The following NOTCH2NLB variants were observed in gnomAD, a reference collection of about 807,000 sequenced individuals.
NOTCH2NLB encodes the protein notch 2 N-terminal like B.
A neutral mutation model predicts 14.8 loss-of-function variants in NOTCH2NLB; 1 was observed. The observed-to-expected ratio is 0.07, with a 90% confidence interval of 0.02 to 0.32. The LOEUF (loss-of-function observed/expected upper bound fraction) is 0.32, where lower values mean the gene tolerates loss of function less well. Among genes scored for constraint, NOTCH2NLB ranks in the 10% least tolerant of loss-of-function variants. The pLI is 1.00. For synonymous variants in NOTCH2NLB, 6 were observed against 57.5 expected (o/e 0.10, Z 4.05); for missense variants, 11 against 155.0 (o/e 0.07, Z 4.93).
At chr1:148,670,547 T>TATATATATATAA (rs1664751621) in intron 1 of NOTCH2NLB, among the ~76,000 whole-genome samples, 1 of 111,752 alleles carries the variant, frequency 8.9e-6, no homozygotes, top group Non-Finnish European at 1.9e-5. Flanking sequence ...AAAATATATA[T>TATATATATATAA]ATATACATAT....
chr1:148,712,453 G>A, the NOTCH2NLB span, among the ~76,000 whole-genome samples: 1 of 152,270 alleles, frequency 6.6e-6, no homozygotes, highest in African/African-American at 2.4e-5. Flanking sequence ...GGGCTTTCCT[G>A]GGAATATGTG....
chr1:148,655,913 T>TA (rs1664531030), intron 1 of NOTCH2NLB, among the ~76,000 whole-genome samples: 1 of 142,850 alleles, frequency 7.0e-6, no homozygotes, highest in Non-Finnish European at 1.5e-5. Context: ...ACAAATATCT[T>TA]AGACATTAAA....
Position 148,610,309 on chromosome 1 carries a change from AAGAGAGAAAG to A in NOTCH2NLB, c.338-2574_338-2565del, listed in dbSNP as rs1473522110. The stretch of plus-strand genomic sequence containing the variant: ...AGAAAGAGAGAGGGAAAGAGAGAGA[AAGAGAGAAAG>A]AGAGAGAAAGAAAGAAAGAAAGAAA... On this transcript the variant is annotated intron_variant, in intron 3 of 4. Coordinates refer to ENST00000593495, the Ensembl canonical transcript of NOTCH2NLB. Among the ~76,000 whole-genome samples, 105 of 89,996 alleles carry A rather than the reference AAGAGAGAAAG, an allele frequency of 1.2e-3. 6 individuals carry two copies. Among genetic ancestry groups the A allele is most frequent in the African/African-American group, 5.2e-3 (104 of 19,980 alleles). The allele number at this position is 89,996 out of a possible 152,430, so 59.0% of individuals were successfully genotyped here.
At chr1:148,661,381 T>C (rs2149630525) in intron 1 of NOTCH2NLB, among the ~76,000 whole-genome samples, 1 of 150,324 alleles carries the variant, frequency 6.7e-6, no homozygotes, top group South Asian at 2.1e-4. Context: ...CACACAGAGT[T>C]AAATCAGAGA....
intron 1 of NOTCH2NLB, among the ~76,000 whole-genome samples, chr1:148,670,539 A>AATAT (rs1156575606): frequency 1.4e-4 from 13 of 93,456 alleles, no homozygotes; most frequent in African/African-American, 5.2e-4. Flanking sequence ...TAAAAAAAAA[A>AATAT]ATATATATAT....
At position 148,622,326 on chromosome 1, in the gene NOTCH2NLB, C is replaced by T. The variant is rs1309471108; in HGVS notation, c.78-6376G>A. On this transcript the variant is annotated intron_variant, in intron 2 of 4. Transcript: ENST00000593495. ...TGGAGGTTGCAGTGAGCCAAGATCG[C>T]GTCACTGCACTCCAGCCTGGGCAAC... 1.3e-4 allele frequency among the ~76,000 whole-genome samples: 15 copies of T among 111,768 alleles called. 2 individuals carry two copies. In the South Asian group the frequency reaches 1.3e-3, roughly 10 times the overall value. The allele number at this position is 111,768 out of a possible 152,430, so 73.3% of individuals were successfully genotyped here.
chr1:148,649,318 A>G (rs1205640640), intron 1 of NOTCH2NLB, among the ~76,000 whole-genome samples: 2 of 50,784 alleles, frequency 3.9e-5, no homozygotes, highest in Admixed American at 3.7e-4. Flanking sequence ...AAATTTAATT[A>G]TTCTCTACAA....
the NOTCH2NLB span, among the ~76,000 whole-genome samples, chr1:148,707,751 C>CAACCTGGG: frequency 0.084 from 12,271 of 145,608 alleles, 240 homozygotes; most frequent in East Asian, 0.18. Context: ...CACTGCACTC[C>CAACCTGGG]AACCTGGGGG....
upstream of NOTCH2NLB, among the ~76,000 whole-genome samples, chr1:148,680,585 A>ATT (rs1664917954): frequency 9.7e-6 from 1 of 102,662 alleles, no homozygotes; most frequent in Non-Finnish European, 2.1e-5. Context: ...CCTTAGAGGA[A>ATT]TGGATGAATA....
chr1:148,703,109 CA>C, the NOTCH2NLB span, among the ~76,000 whole-genome samples: 5 of 18,316 alleles, frequency 2.7e-4, no homozygotes, highest in African/African-American at 3.6e-4. Flanking sequence ...GACTCCGTCT[CA>C]AAAAAAAAAA....
In NOTCH2NLB at chr1:148,654,678, C is replaced by G. The variant is rs1664517738; in HGVS notation, c.4-14589G>C. Among the ~76,000 whole-genome samples, 3 of 91,142 alleles carry G rather than the reference C, an allele frequency of 3.3e-5. 1 individual carries two copies. Among genetic ancestry groups the G allele is most frequent in the South Asian group, 9.7e-4 (2 of 2,066 alleles). 59.8% of individuals were successfully genotyped at this position (91,142 alleles called of 152,430 possible). A position where few individuals can be genotyped will look rare whatever the true frequency, so the allele number is the denominator to read the frequency against. ...AATGACATATTAAAAAAGATCACTC[C>G]TCTGTTTTCCTTATGGCATTTTTAT... On this transcript the variant is annotated intron_variant, in intron 1 of 4. Coordinates refer to ENST00000593495, the Ensembl canonical transcript of NOTCH2NLB.
chr1:148,638,741 T>C lies in NOTCH2NLB; in HGVS notation c.77+1275A>G, dbSNP rs1212528273. Among the ~76,000 whole-genome samples, 4 of 149,538 alleles carry C rather than the reference T, an allele frequency of 2.7e-5. No homozygotes were observed. In the East Asian group the frequency reaches 7.7e-4, roughly 29 times the overall value. On this transcript the variant is annotated intron_variant, in intron 2 of 4. Coordinates refer to ENST00000593495, the Ensembl canonical transcript of NOTCH2NLB. ...TCTGACTTGAAAAAAAAATCTTGTT[T>C]ATAACATTAAAAAACTAAATCCTAG...
intron 1 of NOTCH2NLB, among the ~76,000 whole-genome samples, chr1:148,676,223 C>T (rs71254167): frequency 4.1e-5 from 6 of 146,770 alleles, no homozygotes; most frequent in South Asian, 2.3e-4. Flanking sequence ...TGCAGACATA[C>T]TGCACCCAGA....
At position 148,625,668 on chromosome 1, in the gene NOTCH2NLB, A is replaced by G. The variant is rs1336442736; in HGVS notation, c.78-9718T>C. Among the ~76,000 whole-genome samples the G allele has an allele frequency of 1.3e-4, 16 of 118,916 alleles. 2 individuals are homozygous for G. The highest frequency in any genetic ancestry group is 2.4e-4 in the Non-Finnish European group (14 of 59,522). 78.0% of individuals were successfully genotyped at this position (118,916 alleles called of 152,430 possible). ...TTGCACTGGGCCTCTTGGCCCCCCA[A>G]TCCGCAGTGGCAGCCTGCCCTAGCT... On this transcript the variant is annotated intron_variant, in intron 2 of 4. Coordinates refer to ENST00000593495, the Ensembl canonical transcript of NOTCH2NLB.
At chr1:148,645,774 T>C (rs1664356844) in intron 1 of NOTCH2NLB, among the ~76,000 whole-genome samples, 1 of 150,830 alleles carries the variant, frequency 6.6e-6, no homozygotes, top group Non-Finnish European at 1.5e-5. Context: ...CCCCCACCCA[T>C]CCTTGTAACA....
At chr1:148,707,814 CT>C in the NOTCH2NLB span, among the ~76,000 whole-genome samples, 1 of 142,470 alleles carries the variant, frequency 7.0e-6, no homozygotes, top group Admixed American at 7.2e-5. Context: ...AATTATCTGT[CT>C]TCTGGAATAC....
In NOTCH2NLB at chr1:148,679,511, C is replaced by T; in HGVS notation, c.-47G>A. 1.8e-6 allele frequency: 2 copies of T among 1,135,160 alleles called. 1 individual carries two copies. Among genetic ancestry groups the T allele is most frequent in the Non-Finnish European group, 2.3e-6 (2 of 875,068 alleles). The allele number at this position is 1,135,160 out of a possible 1,614,324, so 70.3% of individuals were successfully genotyped here. A position where few individuals can be genotyped will look rare whatever the true frequency, so the allele number is the denominator to read the frequency against. ...GCCAGAGCGCCAGCAGCGCCCACAG[C>T]AGAGCGGGGCGCAGGGCGGGCATCT... is the stretch of plus-strand genomic sequence containing the variant. On this transcript the variant is annotated 5_prime_UTR_variant, in exon 1 of 5. Transcript: ENST00000593495.
intron 3 of NOTCH2NLB, among the ~76,000 whole-genome samples, chr1:148,608,980 G>GA (rs1329665549): frequency 1.0e-5 from 1 of 99,754 alleles, no homozygotes; most frequent in Non-Finnish European, 2.0e-5. Context: ...AAGAGAAAGA[G>GA]AAAAAAATAT....
chr1:148,638,714 T>C (rs1199541386), intron 2 of NOTCH2NLB, among the ~76,000 whole-genome samples: 1 of 149,486 alleles, frequency 6.7e-6, no homozygotes, highest in African/African-American at 2.5e-5. Context: ...AAGAAAATTA[T>C]TTCTGACTTG....
Sources: gnomAD v4.1 joint callset for allele counts (sites outside exome capture counted in the v4.1 genomes callset) on GRCh38, gnomAD v4.1.1 for gene constraint, MANE v1.5 for transcripts, NCBI Gene and HGNC (gene_info 2026-07-23, HGNC 2026-07-21) for gene names.